Variants in SPEF2 observed in about 807,000 individuals in gnomAD.
The protein encoded by SPEF2 is sperm flagella and cilia-associated protein 2.
SPEF2 carries 187 observed loss-of-function variants against 224.6 expected under a neutral mutation model. That is an observed-to-expected ratio of 0.83 (90% CI 0.74 to 0.94). The LOEUF (loss-of-function observed/expected upper bound fraction) is 0.94, where lower values mean the gene tolerates loss of function less well. SPEF2 is among the 40% of genes least tolerant of loss of function. The pLI, the probability that SPEF2 is intolerant of heterozygous loss-of-function variation, is 0.00. For synonymous variants in SPEF2, 715 were observed against 707.3 expected (o/e 1.01, Z -0.17); for missense variants, 2,170 against 2,135.6 (o/e 1.02, Z -0.32).
intron 23 of SPEF2, among the ~76,000 whole-genome samples, chr5:35,746,929 A>G (rs1210966075): frequency 1.3e-5 from 2 of 152,228 alleles, no homozygotes; most frequent in East Asian, 3.8e-4. Flanking sequence ...CAGAAGCACC[A>G]GGTAACTTAT....
At chr5:35,788,959 G>C (rs1580741542) in intron 30 of SPEF2, 2 of 702,920 alleles carry the variant, frequency 2.8e-6, no homozygotes, top group Non-Finnish European at 5.2e-6. Context: ...ACAGGAAGTG[G>C]CTTCATGGAT....
intron 4 of SPEF2, among the ~76,000 whole-genome samples, chr5:35,644,760 T>C (rs1392422722): frequency 6.6e-6 from 1 of 152,134 alleles, no homozygotes; most frequent in Admixed American, 6.6e-5. Flanking sequence ...TGCCATCTTC[T>C]GGAGTGGCAA....
At chr5:35,634,306 A>C (rs185447440) in intron 2 of SPEF2, among the ~76,000 whole-genome samples, 1 of 152,188 alleles carries the variant, frequency 6.6e-6, no homozygotes, top group East Asian at 1.9e-4. Flanking sequence ...CTTTTTCAGC[A>C]CTGTGACCAT....
At chr5:35,669,069 C>A (rs901464529) in intron 9 of SPEF2, among the ~76,000 whole-genome samples, 1 of 151,934 alleles carries the variant, frequency 6.6e-6, no homozygotes, top group Admixed American at 6.6e-5. Flanking sequence ...AATAATAACT[C>A]CTCATCCCCT....
chr5:35,642,114 A>G (rs745432979), intron 3 of SPEF2, among the ~76,000 whole-genome samples: 10 of 152,144 alleles, frequency 6.6e-5, no homozygotes, highest in Non-Finnish European at 1.2e-4. Flanking sequence ...CTTCTTATCA[A>G]CTACTGCAGC....
chr5:35,647,256 A>G (rs1440595553), intron 5 of SPEF2, among the ~76,000 whole-genome samples: 1 of 151,784 alleles, frequency 6.6e-6, no homozygotes, highest in East Asian at 1.9e-4. Flanking sequence ...GGCCTTAGTA[A>G]GGAGAAGGGG....
At chr5:35,708,923 G>T in intron 18 of SPEF2, 25 bp from the exon 19 acceptor site, 3 of 1,591,208 alleles carry the variant, frequency 1.9e-6, no homozygotes, top group Non-Finnish European at 2.6e-6. Flanking sequence ...TCTAATGAAG[G>T]TCAATTCTTA....
chr5:35,630,163 C>G (rs1377084437), intron 2 of SPEF2, among the ~76,000 whole-genome samples: 2 of 152,178 alleles, frequency 1.3e-5, no homozygotes, highest in Non-Finnish European at 2.9e-5. Flanking sequence ...GTACAACCCC[C>G]CTCCTGGCTG....
chr5:35,809,861 T>G (rs1419816980), intron 36 of SPEF2, among the ~76,000 whole-genome samples: 4 of 152,106 alleles, frequency 2.6e-5, no homozygotes, highest in Non-Finnish European at 5.9e-5. Context: ...CATTCCCTGC[T>G]CCACATATCA....
intron 10 of SPEF2, among the ~76,000 whole-genome samples, chr5:35,678,046 C>T (rs956059089): frequency 2.2e-4 from 34 of 152,358 alleles, no homozygotes; most frequent in African/African-American, 5.1e-4. Context: ...CATTGTCACA[C>T]GCTGAGTATT....
intron 25 of SPEF2, 56 bp from the exon 26 acceptor site, chr5:35,763,466 A>G: frequency 2.0e-6 from 3 of 1,474,932 alleles, no homozygotes; most frequent in Non-Finnish European, 2.7e-6. Flanking sequence ...TGGTCACAAA[A>G]ACAGAATTTT....
At chr5:35,693,553 T>G (rs981552256) in intron 12 of SPEF2, among the ~76,000 whole-genome samples, 1 of 152,150 alleles carries the variant, frequency 6.6e-6, no homozygotes, top group Middle Eastern at 3.2e-3. Flanking sequence ...TAGCCCCACC[T>G]TCAGAATCCT....
chr5:35,782,134 A>G (rs1254509029), intron 30 of SPEF2, among the ~76,000 whole-genome samples: 1 of 152,216 alleles, frequency 6.6e-6, no homozygotes, highest in African/African-American at 2.4e-5. Flanking sequence ...CGTCTTTTAA[A>G]TGAAGGCTTT....
intron 25 of SPEF2, among the ~76,000 whole-genome samples, chr5:35,760,167 C>A (rs551471483): frequency 1.4e-4 from 22 of 152,178 alleles, no homozygotes; most frequent in African/African-American, 5.3e-4. Context: ...CGAGATCATC[C>A]TGGCTAACAC....
intron 10 of SPEF2, chr5:35,670,537 T>A (rs1485980100): frequency 9.8e-7 from 1 of 1,019,466 alleles, no homozygotes; most frequent in South Asian, 4.4e-5. Flanking sequence ...TTTCTTTGTA[T>A]GGGCTGTGTA....
At chr5:35,716,236 G>C (rs1742546002) in intron 20 of SPEF2, among the ~76,000 whole-genome samples, 2 of 151,932 alleles carry the variant, frequency 1.3e-5, no homozygotes, top group African/African-American at 2.4e-5. Flanking sequence ...TATAACTAGA[G>C]CTAATTGGTG....
chr5:35,781,199 C>T (rs1490837542), intron 30 of SPEF2: 3 of 151,114 alleles, frequency 2.0e-5, no homozygotes, highest in African/African-American at 7.3e-5. Flanking sequence ...ACCATTTGCC[C>T]TAGGAGCTGA....
chr5:35,624,440 G>C (rs902749207), intron 1 of SPEF2, among the ~76,000 whole-genome samples: 4 of 152,070 alleles, frequency 2.6e-5, no homozygotes, highest in Non-Finnish European at 4.4e-5. Flanking sequence ...AATTTCAATT[G>C]TTAGTGCAAA....
intron 19 of SPEF2, chr5:35,710,712 G>A (rs1740936249): frequency 1.0e-6 from 1 of 983,106 alleles, no homozygotes; most frequent in Non-Finnish European, 1.2e-6. Flanking sequence ...ATGTATTTGA[G>A]CCATTTCCTG....
Sources: allele counts gnomAD v4.1 joint callset (sites outside exome capture counted in the v4.1 genomes callset), GRCh38; gene constraint gnomAD v4.1.1; transcripts MANE v1.5; gene names NCBI Gene and HGNC (gene_info 2026-07-23, HGNC 2026-07-21).